The following HERC6 variants were observed in gnomAD, a reference collection of about 807,000 sequenced individuals.
The protein encoded by HERC6 is probable E3 ubiquitin-protein ligase HERC6.
HERC6 carries 101 observed loss-of-function variants against 114.5 expected under a neutral mutation model. The observed-to-expected ratio is 0.88, with a 90% CI of 0.75 to 1.04. The LOEUF (loss-of-function observed/expected upper bound fraction) is 1.04, where lower values mean the gene tolerates loss of function less well. HERC6 is among the 50% of genes least tolerant of loss of function. The probability of loss-of-function intolerance (pLI) is 0.00; values close to 1 mark genes in which losing one functional copy is unlikely to be tolerated. For missense variants in HERC6, 1,133 were observed against 1,230.9 expected (o/e 0.92, Z 1.19); for synonymous variants, 408 against 436.2 (o/e 0.94, Z 0.81).
At chr4:88,424,248 A>G (rs1737361756) in intron 14 of HERC6, among the ~76,000 whole-genome samples, 1 of 152,192 alleles carries the variant, frequency 6.6e-6, no homozygotes, top group Admixed American at 6.5e-5. Context: ...GCACTTTGGG[A>G]GGCCAAGGTG....
intron 5 of HERC6, 74 bp downstream of exon 5, chr4:88,393,656 T>C: frequency 2.3e-6 from 2 of 874,744 alleles, no homozygotes; most frequent in African/African-American, 1.6e-5. Flanking sequence ...CTAATTATTG[T>C]TGAAAGACAG....
chr4:88,408,128 A>C (rs965623679), intron 10 of HERC6, among the ~76,000 whole-genome samples: 1 of 152,254 alleles, frequency 6.6e-6, no homozygotes, highest in African/African-American at 2.4e-5. Flanking sequence ...CTGGAAAAGT[A>C]AAGTCATGCT....
intron 10 of HERC6, among the ~76,000 whole-genome samples, chr4:88,406,779 G>A (rs1735832325): frequency 6.6e-6 from 1 of 151,884 alleles, no homozygotes; most frequent in African/African-American, 2.4e-5. Context: ...TTTATTTAGA[G>A]GTGAAGTCTC....
Position 88,442,375 on chromosome 4 carries a change from C to A in HERC6, c.2984C>A (p.Ser995Tyr). The change falls in exon 23 of 23, where the codon TCT becomes TAT. Residue 995 changes from serine (S) to tyrosine (Y), a missense_variant. Transcript: ENST00000264346. ...CHNILSLPKY[S>Y]TMERMEEALQ... The stretch of plus-strand genomic sequence containing the variant: ...AATATTCTCTCCCTCCCTAAGTATT[C>A]TACAATGGAAAGAATGGAGGAAGCA... 6.2e-7 allele frequency: 1 copy of A among 1,613,852 alleles called. No homozygotes were observed. Among genetic ancestry groups the A allele is most frequent in the Non-Finnish European group, 8.5e-7 (1 of 1,179,844 alleles).
chr4:88,391,807 A>G (rs963158453), intron 4 of HERC6, among the ~76,000 whole-genome samples: 5 of 152,078 alleles, frequency 3.3e-5, no homozygotes, highest in African/African-American at 1.2e-4. Flanking sequence ...TCCTCTATTC[A>G]ATTCCTTACA....
intron 10 of HERC6, among the ~76,000 whole-genome samples, chr4:88,407,924 G>C (rs1011511425): frequency 6.6e-6 from 1 of 152,170 alleles, no homozygotes; most frequent in African/African-American, 2.4e-5. Context: ...GAGAGGGAAG[G>C]CTGGAGGTTT....
At position 88,431,409 on chromosome 4, in the gene HERC6, T is replaced by C. The variant is rs1738194872; in HGVS notation, c.2250+104T>C. On this transcript the variant is annotated intron_variant, in intron 17 of 22. Transcript: ENST00000264346. ...GGTGTAAAATTAGGTCATATAGAGC[T>C]TTGCTACTCATATTTTGAGTAGTAC... 7 of 1,283,944 alleles carry C rather than the reference T, an allele frequency of 5.5e-6. No homozygotes were observed. In the South Asian group the frequency reaches 1.1e-4, roughly 20 times the overall value. The allele number at this position is 1,283,944 out of a possible 1,614,324, so 79.5% of individuals were successfully genotyped here.
chr4:88,380,599 C>T (rs1734266871), intron 1 of HERC6, among the ~76,000 whole-genome samples: 1 of 147,970 alleles, frequency 6.8e-6, no homozygotes, highest in Non-Finnish European at 1.5e-5. Context: ...CGCCTGTAGT[C>T]CCAGCTACTT....
In HERC6 at chr4:88,428,604, C is replaced by G; in HGVS notation, c.1960C>G (p.Leu654Val). 6.2e-7 allele frequency: 1 copy of G among 1,605,548 alleles called. No homozygotes were observed. The highest frequency in any genetic ancestry group is 1.1e-5 in the South Asian group (1 of 88,522). Residue 654 changes from leucine to valine, a missense_variant, in exon 16 of 23, where the codon CTT becomes GTT. Transcript: ENST00000264346. The part of the protein sequence containing the change: ...MQMSEKKAYM[L>V]MHETILQKKD... ...GATGTCAGAAAAGAAAGCATACATG[C>G]TTATGCATGAAACAATTCTGCAAAA...
chr4:88,399,359 G>T (rs1578381742), intron 8 of HERC6: 1 of 152,106 alleles, frequency 6.6e-6, no homozygotes, highest in Non-Finnish European at 1.5e-5. Context: ...TATATATCAG[G>T]CTCTGCTCTT....
At chr4:88,395,160 T>A (rs912786631) in intron 5 of HERC6, among the ~76,000 whole-genome samples, 3 of 152,190 alleles carry the variant, frequency 2.0e-5, no homozygotes, top group Non-Finnish European at 2.9e-5. Context: ...TAAATGCATA[T>A]CTTAAATTAG....
At chr4:88,441,643 TTTC>T (rs1467290439) in intron 22 of HERC6, among the ~76,000 whole-genome samples, 1 of 152,168 alleles carries the variant, frequency 6.6e-6, no homozygotes, top group Non-Finnish European at 1.5e-5. Flanking sequence ...GTTACACATC[TTTC>T]TTCTTGATAT....
chr4:88,434,045 G>T (rs1738503137), intron 17 of HERC6, among the ~76,000 whole-genome samples: 1 of 152,182 alleles, frequency 6.6e-6, no homozygotes, highest in Non-Finnish European at 1.5e-5. Context: ...ATTATTACAT[G>T]ACATAATCCC....
In HERC6 at chr4:88,439,859, T is replaced by TTG; in HGVS notation, c.2556-14_2556-13insGT. The TTG allele has an allele frequency of 6.1e-6, 8 of 1,322,258 alleles. No individual in the cohort carries two copies. The highest frequency in any genetic ancestry group is 2.2e-5 in the South Asian group (1 of 46,224). 81.9% of individuals were successfully genotyped at this position (1,322,258 alleles called of 1,614,324 possible). On this transcript the variant is annotated splice_polypyrimidine_tract_variant and intron_variant, in intron 20 of 22. Coordinates refer to ENST00000264346, the MANE Select transcript of HERC6 (RefSeq NM_017912.4). ...CTTCCTTTCTTTTTTTTTTTTTTTT[T>TTG]TTGCTTCCCTCAAGGAGAGACTATG...
chr4:88,400,874 G>A (rs1296023815), intron 8 of HERC6, among the ~76,000 whole-genome samples: 1 of 151,998 alleles, frequency 6.6e-6, no homozygotes, highest in Non-Finnish European at 1.5e-5. Flanking sequence ...TCAATATGGA[G>A]TTTGGTATTA....
chr4:88,407,377 G>A (rs1189482048), intron 10 of HERC6, among the ~76,000 whole-genome samples: 3 of 152,048 alleles, frequency 2.0e-5, no homozygotes, highest in East Asian at 3.9e-4. Flanking sequence ...CACTATGCTC[G>A]GCATTTTGTT....
At chr4:88,426,424 T>C (rs763897756) in intron 15 of HERC6, among the ~76,000 whole-genome samples, 59 of 151,890 alleles carry the variant, frequency 3.9e-4, no homozygotes, top group Non-Finnish European at 7.5e-4. Context: ...TGCCTTGGCC[T>C]CCCAAAGTGC....
At chr4:88,413,414 G>A in intron 12 of HERC6, 148 bp downstream of exon 12, 4 of 616,328 alleles carry the variant, frequency 6.5e-6, no homozygotes, top group South Asian at 2.3e-5. Context: ...ATAATCTAAA[G>A]CTATTATAAT....
At chr4:88,412,688 A>G (rs1303097616) in intron 11 of HERC6, among the ~76,000 whole-genome samples, 1 of 152,248 alleles carries the variant, frequency 6.6e-6, no homozygotes, top group Non-Finnish European at 1.5e-5. Flanking sequence ...AAACAGAAAG[A>G]AAGAAATGGA....
Sources: gnomAD v4.1 joint callset for allele counts (sites outside exome capture counted in the v4.1 genomes callset) on GRCh38, gnomAD v4.1.1 for gene constraint, MANE v1.5 for transcripts, NCBI Gene and HGNC (gene_info 2026-07-23, HGNC 2026-07-21) for gene names.